Variants in CLHC1 observed in about 807,000 individuals in gnomAD.
CLHC1 encodes the protein clathrin heavy chain linker domain-containing protein 1.
In CLHC1, 72 loss-of-function variants were observed where a neutral mutation model predicts 69.5. That is an observed-to-expected ratio of 1.04 (90% CI 0.86 to 1.26). CLHC1 has a LOEUF of 1.26. Among genes scored for constraint, CLHC1 ranks in the 50% most tolerant of loss-of-function variants. The probability of loss-of-function intolerance (pLI) is 0.00; values close to 1 mark genes in which losing one functional copy is unlikely to be tolerated. For synonymous variants in CLHC1, 223 were observed against 224.3 expected, an observed-to-expected ratio of 0.99 and a Z score of 0.05; for missense variants, 790 against 679.3, an observed-to-expected ratio of 1.16 and a Z score of -1.81.
At chr2:55,183,380 A>G (rs1670104398) in intron 9 of CLHC1, among the ~76,000 whole-genome samples, 1 of 152,228 alleles carries the variant, frequency 6.6e-6, no homozygotes, top group South Asian at 2.1e-4. Flanking sequence ...TTAAAGGGCA[A>G]TGGCGAGGAA....
chr2:55,175,973 A>G lies in CLHC1; in HGVS notation c.1578T>C (p.Ser526=), dbSNP rs1669351460. The change falls in exon 13 of 13, where the codon AGT becomes AGC. Residue 526 remains serine (S), a synonymous_variant. Coordinates refer to ENST00000401408, the MANE Select transcript of CLHC1 (RefSeq NM_152385.4). Reference sequence around the variant, plus strand: ...AGCAAAAGGAATCATTTATCATAAGACTTTCTACTGCATCTGTGGGGAAAA... The same window carrying G: ...AGCAAAAGGAATCATTTATCATAAGGCTTTCTACTGCATCTGTGGGGAAAA... ...INKGGIDAVE[S]LMINDSFCSI... 4 of 1,613,326 alleles carry G rather than the reference A, an allele frequency of 2.5e-6. No individual in the cohort carries two copies. The East Asian group carries it at 8.9e-5, about 36-fold the overall frequency.
At position 55,212,618 on chromosome 2, in the gene CLHC1, TA is replaced by T. The variant is rs1219850223; in HGVS notation, c.499+54del. 5.0e-6 allele frequency: 7 copies of T among 1,396,818 alleles called. No homozygotes were observed. In the Admixed American group the frequency reaches 1.0e-4, roughly 21 times the overall value. 86.5% of individuals were successfully genotyped at this position (1,396,818 alleles called of 1,614,324 possible). ...CATTTATATTAATGCATGCCTTAGG[TA>T]AAAATTGGAAATAATCAGGATTTCT... On this transcript the variant is annotated intron_variant, in intron 5 of 12. Coordinates refer to ENST00000401408, the MANE Select transcript of CLHC1 (RefSeq NM_152385.4).
At chr2:55,231,262 A>C (rs980112550) in intron 1 of CLHC1, among the ~76,000 whole-genome samples, 2 of 152,044 alleles carry the variant, frequency 1.3e-5, no homozygotes, top group Non-Finnish European at 2.9e-5. Context: ...GAAAAAAAAA[A>C]AAAAAAGTTC....
intron 3 of CLHC1, among the ~76,000 whole-genome samples, chr2:55,221,778 G>A (rs1376067248): frequency 1.3e-5 from 2 of 152,136 alleles, no homozygotes; most frequent in Non-Finnish European, 2.9e-5. Context: ...AGGAGTGCAA[G>A]ACCAGCCTAG....
intron 1 of CLHC1, among the ~76,000 whole-genome samples, chr2:55,230,636 A>C (rs189794518): frequency 6.6e-6 from 1 of 152,300 alleles, no homozygotes; most frequent in Non-Finnish European, 1.5e-5. Flanking sequence ...ATCAAGAGGA[A>C]GCAGCAAATG....
At chr2:55,214,511 A>C (rs1472929091) in intron 4 of CLHC1, 3 of 152,242 alleles carry the variant, frequency 2.0e-5, no homozygotes, top group African/African-American at 7.2e-5. Flanking sequence ...CCGTCTCAAA[A>C]AATAAAATAA....
At chr2:55,189,186 C>G (rs1670689329) in intron 9 of CLHC1, among the ~76,000 whole-genome samples, 1 of 151,578 alleles carries the variant, frequency 6.6e-6, no homozygotes, top group Non-Finnish European at 1.5e-5. Context: ...AGCCAAAAAG[C>G]CAAGATAGGA....
chr2:55,189,987 A>G (rs1398024271), intron 9 of CLHC1, among the ~76,000 whole-genome samples: 1 of 152,152 alleles, frequency 6.6e-6, no homozygotes, highest in African/African-American at 2.4e-5. Context: ...CAGGTAACTT[A>G]CCTATATCCC....
intron 2 of CLHC1, chr2:55,225,178 C>G (rs1283787726): frequency 6.5e-6 from 1 of 152,818 alleles, no homozygotes; most frequent in Non-Finnish European, 1.5e-5. Flanking sequence ...CGAGAAAGCT[C>G]CTAAGAGGCC....
intron 9 of CLHC1, among the ~76,000 whole-genome samples, chr2:55,191,513 C>T (rs181117025): frequency 1.1e-3 from 171 of 152,184 alleles, no homozygotes; most frequent in Admixed American, 3.5e-3. Flanking sequence ...GGATTACAGG[C>T]GTGAGCCACT....
In CLHC1 at chr2:55,175,451, C is replaced by A; in HGVS notation, c.*339G>T. ...TCTAACACACAGGATACTACCCACA[C>A]CTTCCTCAGTTCTTGCTATCATATT... On this transcript the variant is annotated 3_prime_UTR_variant, in exon 13 of 13. Coordinates refer to ENST00000401408, the MANE Select transcript of CLHC1 (RefSeq NM_152385.4). 9.4e-6 allele frequency: 2 copies of A among 211,954 alleles called. No homozygotes were observed. Among genetic ancestry groups the A allele is most frequent in the East Asian group, 1.0e-4 (1 of 9,610 alleles). 13.1% of individuals were successfully genotyped at this position (211,954 alleles called of 1,614,324 possible).
At chr2:55,223,643 C>A (rs1480561638) in intron 2 of CLHC1, among the ~76,000 whole-genome samples, 4 of 151,504 alleles carry the variant, frequency 2.6e-5, no homozygotes, top group Non-Finnish European at 5.9e-5. Flanking sequence ...AGGGAGGGCG[C>A]GCGGAGGCTC....
At chr2:55,191,664 A>G (rs191014473) in intron 9 of CLHC1, among the ~76,000 whole-genome samples, 7 of 152,306 alleles carry the variant, frequency 4.6e-5, no homozygotes, top group African/African-American at 7.2e-5. Flanking sequence ...GAATGGAGTA[A>G]GTTAAAGATA....
intron 11 of CLHC1, 63 bp downstream of exon 11, chr2:55,180,447 G>T: frequency 8.4e-7 from 1 of 1,186,586 alleles, no homozygotes; most frequent in Non-Finnish European, 1.2e-6. Context: ...TTGCTATTAT[G>T]GGTAATCTTA....
At chr2:55,209,553 T>C in intron 6 of CLHC1, 37 bp from the exon 7 acceptor site, 1 of 1,577,940 alleles carries the variant, frequency 6.3e-7, no homozygotes, top group Non-Finnish European at 8.7e-7. Context: ...ACACTGAGCC[T>C]AAAATCAAAT....
chr2:55,203,332 A>C (rs948296613), intron 9 of CLHC1, among the ~76,000 whole-genome samples: 2 of 152,204 alleles, frequency 1.3e-5, no homozygotes, highest in African/African-American at 2.4e-5. Context: ...ATGGAACCAC[A>C]AAAGACCCAG....
intron 9 of CLHC1, among the ~76,000 whole-genome samples, chr2:55,203,774 A>G (rs967723620): frequency 3.3e-5 from 5 of 152,210 alleles, no homozygotes; most frequent in Non-Finnish European, 4.4e-5. Flanking sequence ...ATAATACCCC[A>G]TAAGCACAGG....
At chr2:55,217,742 G>GTTAC in intron 4 of CLHC1, 69 bp downstream of exon 4, 2 of 971,482 alleles carry the variant, frequency 2.1e-6, no homozygotes, top group Non-Finnish European at 2.9e-6. Context: ...ACCAGCTAGA[G>GTTAC]TTACACTGGC....
rs1244666560 is a variant in CLHC1, at chr2:55,209,679, A to G, written c.652T>C (p.Leu218=). The change falls in exon 6 of 13, where the codon TTA becomes CTA. Residue 218 remains leucine, a synonymous_variant. Transcript: ENST00000401408. Reference sequence around the variant, plus strand: ...TTTTCAGCTACATCTCGCCGTTTTAATAACACAATCATTTCTTCATCTAAA... The same window carrying G: ...TTTTCAGCTACATCTCGCCGTTTTAGTAACACAATCATTTCTTCATCTAAA... ...ADLDEEMIVL[L]KRRDVAENLN... The G allele has an allele frequency of 1.9e-6, 3 of 1,614,144 alleles. No homozygotes were observed. Among genetic ancestry groups the G allele is most frequent in the East Asian group, 2.2e-5 (1 of 44,864 alleles).
Sources: gnomAD v4.1 joint callset for allele counts (sites outside exome capture counted in the v4.1 genomes callset) on GRCh38, gnomAD v4.1.1 for gene constraint, MANE v1.5 for transcripts, NCBI Gene and HGNC (gene_info 2026-07-23, HGNC 2026-07-21) for gene names.